Variants in DNAH9 observed in about 807,000 individuals in gnomAD.
DNAH9 encodes the protein dynein axonemal heavy chain 9.
Under a neutral mutation model 471.6 loss-of-function variants are expected in DNAH9, and 345 were observed. The observed-to-expected ratio is 0.73, with a 90% CI of 0.67 to 0.80. DNAH9 has a LOEUF of 0.80. DNAH9 is among the 30% of genes least tolerant of loss of function. The probability of loss-of-function intolerance (pLI) is 0.00; values close to 1 mark genes in which losing one functional copy is unlikely to be tolerated. For synonymous variants in DNAH9, 2,093 were observed against 2,123.6 expected, an observed-to-expected ratio of 0.99 and a Z score of 0.40; for missense variants, 5,407 against 5,609.2, an observed-to-expected ratio of 0.96 and a Z score of 1.15.
chr17:11,948,224 CTTTTT>C (rs1211322234), intron 67 of DNAH9, among the ~76,000 whole-genome samples: 1 of 86,748 alleles, frequency 1.2e-5, no homozygotes, highest in Non-Finnish European at 2.1e-5. Context: ...TAATCTGGCT[CTTTTT>C]TTTTTTTTTT....
chr17:11,918,719 C>T (rs1974036706), intron 61 of DNAH9, among the ~76,000 whole-genome samples: 1 of 152,154 alleles, frequency 6.6e-6, no homozygotes, highest in Non-Finnish European at 1.5e-5. Context: ...GGCGCAGTGG[C>T]TCATGCCTAT....
rs768164188 is a variant in DNAH9, at chr17:11,874,950, C to T, written c.10244C>T (p.Thr3415Ile). The change falls in exon 53 of 69, where the codon ACT (threonine) becomes ATT (isoleucine). Residue 3415 changes from threonine to isoleucine, a missense_variant and splice_region_variant. By Grantham distance (89) the Thr-to-Ile change is moderately conservative. This residue lies in a region of DNAH9 where 4,636 missense variants were observed against 4,900.3 expected (regional missense o/e 0.95). Coordinates refer to ENST00000262442, the MANE Select transcript of DNAH9 (RefSeq NM_001372.4). The stretch of plus-strand genomic sequence containing the variant: ...GGGGTGGTGTTTCTTCTTCACCAGA[C>T]TCCCATTCCAGTCACCCCAGCCCTG... ...TWRPYLSQLK[T>I]PIPVTPALDP... The T allele has an allele frequency of 6.2e-7, 1 of 1,611,910 alleles. No individual in the cohort carries two copies. The highest frequency in any genetic ancestry group is 1.7e-5 in the Admixed American group (1 of 59,998).
At chr17:11,883,219 G>C in intron 55 of DNAH9, 2 of 1,003,760 alleles carry the variant, frequency 2.0e-6, no homozygotes, top group Non-Finnish European at 2.4e-6. Context: ...GTAATAGAGA[G>C]AACTCTCCAG....
intron 66 of DNAH9, among the ~76,000 whole-genome samples, chr17:11,939,220 A>G (rs894310977): frequency 2.6e-5 from 4 of 152,126 alleles, no homozygotes; most frequent in African/African-American, 9.7e-5. Context: ...CTATTCCACT[A>G]TTTGATGTAT....
At chr17:11,940,837 G>T (rs888411646) in intron 66 of DNAH9, among the ~76,000 whole-genome samples, 6 of 152,214 alleles carry the variant, frequency 3.9e-5, no homozygotes, top group African/African-American at 1.4e-4. Flanking sequence ...TGAGGCCTAA[G>T]TAACTTGCTT....
intron 4 of DNAH9, among the ~76,000 whole-genome samples, chr17:11,615,928 C>T (rs1371785301): frequency 1.3e-5 from 2 of 152,190 alleles, no homozygotes; most frequent in Non-Finnish European, 2.9e-5. Context: ...TCACCATCAG[C>T]CCCTCCACTT....
intron 41 of DNAH9, among the ~76,000 whole-genome samples, chr17:11,790,537 A>C (rs1471113772): frequency 6.6e-6 from 1 of 151,772 alleles, no homozygotes; most frequent in Admixed American, 6.6e-5. Flanking sequence ...ATTTTCTTGC[A>C]CTCAGCTTTT....
chr17:11,850,376 T>C (rs1480127800), intron 49 of DNAH9, among the ~76,000 whole-genome samples: 3 of 152,152 alleles, frequency 2.0e-5, no homozygotes, highest in East Asian at 1.9e-4. Flanking sequence ...AGGCTAGGCA[T>C]GGCGGCTCAC....
chr17:11,861,530 G>C (rs371844017), intron 50 of DNAH9, among the ~76,000 whole-genome samples: 184 of 150,274 alleles, frequency 1.2e-3, no homozygotes, highest in African/African-American at 3.6e-3. Flanking sequence ...AGTCCTTTGG[G>C]TATATACCCA....
At chr17:11,644,999 A>G (rs1485141033) in intron 11 of DNAH9, among the ~76,000 whole-genome samples, 1 of 152,224 alleles carries the variant, frequency 6.6e-6, no homozygotes, top group Non-Finnish European at 1.5e-5. Context: ...GGAAAATTGC[A>G]ACAGCTGCTT....
chr17:11,761,779 G>T (rs1445345471), intron 35 of DNAH9, among the ~76,000 whole-genome samples: 1 of 152,112 alleles, frequency 6.6e-6, no homozygotes, highest in African/African-American at 2.4e-5. Flanking sequence ...GGGGAAAGCA[G>T]CTACCTTCCC....
chr17:11,674,710 C>A (rs77596446), intron 17 of DNAH9, among the ~76,000 whole-genome samples: 2,314 of 152,076 alleles, frequency 0.015, 31 homozygotes, highest in Non-Finnish European at 0.021. Context: ...ATGTGTCCAA[C>A]TTTTCCCTTA....
At chr17:11,911,527 T>G (rs1369307209) in intron 61 of DNAH9, among the ~76,000 whole-genome samples, 3 of 152,204 alleles carry the variant, frequency 2.0e-5, no homozygotes, top group Non-Finnish European at 4.4e-5. Context: ...TTTTCTTTTT[T>G]GTTGTTGTTT....
chr17:11,681,730 T>G (rs1390478986), intron 19 of DNAH9, among the ~76,000 whole-genome samples: 2 of 152,206 alleles, frequency 1.3e-5, no homozygotes, highest in African/African-American at 4.8e-5. Flanking sequence ...AGGAATGTTT[T>G]TATTTTCAAA....
rs1369719693 is a variant in DNAH9, at chr17:11,704,195, T to G, written c.5152-8T>G. The G allele has an allele frequency of 6.2e-7, 1 of 1,614,044 alleles. No homozygotes were observed. Among genetic ancestry groups the G allele is most frequent in the African/African-American group, 1.3e-5 (1 of 75,044 alleles). ...AACAGCTTTACTAGGCAACTCTTGC[T>G]GCCACAGGTGGCCCTGACCTGTACT... On this transcript the variant is annotated splice_region_variant and splice_polypyrimidine_tract_variant and intron_variant, in intron 24 of 68. Coordinates refer to ENST00000262442, the MANE Select transcript of DNAH9 (RefSeq NM_001372.4).
At chr17:11,790,162 A>T (rs1969013398) in intron 41 of DNAH9, among the ~76,000 whole-genome samples, 1 of 152,052 alleles carries the variant, frequency 6.6e-6, no homozygotes, top group South Asian at 2.1e-4. Flanking sequence ...GTATAGTTTT[A>T]TCAACATTCC....
intron 35 of DNAH9, among the ~76,000 whole-genome samples, chr17:11,760,663 G>C (rs564577716): frequency 2.3e-4 from 35 of 152,232 alleles, no homozygotes; most frequent in African/African-American, 8.2e-4. Flanking sequence ...GGGACTACAG[G>C]TGCATGCCAC....
At chr17:11,871,017 A>G (rs752358167) in intron 51 of DNAH9, among the ~76,000 whole-genome samples, 10 of 152,150 alleles carry the variant, frequency 6.6e-5, no homozygotes, top group Non-Finnish European at 1.5e-4. Flanking sequence ...CATACCACTA[A>G]CAGTCCTCTG....
At chr17:11,935,607 C>T (rs1436121543) in intron 65 of DNAH9, among the ~76,000 whole-genome samples, 1 of 151,868 alleles carries the variant, frequency 6.6e-6, no homozygotes, top group Non-Finnish European at 1.5e-5. Flanking sequence ...AACTCCTGAC[C>T]TCATGATCCT....
Sources: allele counts gnomAD v4.1 joint callset (sites outside exome capture counted in the v4.1 genomes callset), GRCh38; gene constraint gnomAD v4.1.1; regional missense constraint gnomAD v4.1.1; transcripts MANE v1.5; gene names NCBI Gene and HGNC (gene_info 2026-07-23, HGNC 2026-07-21).